Variants in RIMBP2 observed in about 807,000 individuals in gnomAD.
RIMBP2 encodes RIMS binding protein 2, also known as RIMS-binding protein 2.
A neutral mutation model predicts 118.6 loss-of-function variants in RIMBP2; 48 were observed. That is an observed-to-expected ratio of 0.40 (90% CI 0.32 to 0.51). The LOEUF (loss-of-function observed/expected upper bound fraction) is 0.51, where lower values mean the gene tolerates loss of function less well. Ranked by LOEUF, RIMBP2 falls within the 20% of genes least tolerant of loss-of-function variation. RIMBP2 has a pLI of 0.41. For missense variants in RIMBP2, 1,551 were observed against 1,768.3 expected (o/e 0.88, Z 2.20); for synonymous variants, 762 against 742.9 (o/e 1.03, Z -0.42).
At chr12:130,552,055 G>T (rs2139735609) in intron 2 of RIMBP2, among the ~76,000 whole-genome samples, 1 of 152,332 alleles carries the variant, frequency 6.6e-6, no homozygotes, top group South Asian at 2.1e-4. Context: ...TAGATAATGG[G>T]TTGCTTGGGC....
chr12:130,694,583 C>T (rs2065483507), intron 1 of RIMBP2, among the ~76,000 whole-genome samples: 1 of 152,220 alleles, frequency 6.6e-6, no homozygotes, highest in Admixed American at 6.5e-5. Flanking sequence ...GACTGCTCCC[C>T]TTCCTGGAAA....
At chr12:130,661,194 T>TG (rs1444779419) in intron 1 of RIMBP2, among the ~76,000 whole-genome samples, 1 of 152,240 alleles carries the variant, frequency 6.6e-6, no homozygotes, top group Admixed American at 6.5e-5. Context: ...GCTTTCCTTG[T>TG]GGACTAATCT....
rs146279131 is a variant in RIMBP2 at position 130,710,439 on chromosome 12, C to T, written c.-352+5783G>A. 3.2e-4 allele frequency among the ~76,000 whole-genome samples: 48 copies of T among 152,184 alleles called. No homozygotes were observed. The highest frequency in any genetic ancestry group is 1.4e-3 in the East Asian group (7 of 5,166). On this transcript the variant is annotated intron_variant, in intron 1 of 22. Transcript: ENST00000690449. The surrounding 1 kb of genome is among the most constrained non-coding windows in gnomAD (Gnocchi z 4.3). ...TTACACATGCACACACACACATACA[C>T]GCAGGCGCACACACACACATACACA...
At position 130,601,335 on chromosome 12, in the gene RIMBP2, C is replaced by CAAAAAAAAAAAAAAAA. The variant is rs35127958; in HGVS notation, c.-217+26971_-217+26986dup. ...TGGGGATGGGGTCAAAGAGGGCAGG[C>CAAAAAAAAAAAAAAAA]AAAAAAAAAAAAAAAAAAAAAAAAA... On this transcript the variant is annotated intron_variant, in intron 2 of 22. Transcript: ENST00000690449. Among the ~76,000 whole-genome samples the CAAAAAAAAAAAAAAAA allele has an allele frequency of 3.2e-5, 2 of 63,064 alleles. 1 individual carries two copies. The allele number at this position is 63,064 out of a possible 152,430, so 41.4% of individuals were successfully genotyped here.
intron 1 of RIMBP2, among the ~76,000 whole-genome samples, chr12:130,649,559 G>A (rs2063138716): frequency 6.6e-6 from 1 of 152,210 alleles, no homozygotes; most frequent in Non-Finnish European, 1.5e-5. Flanking sequence ...CTGTGCAATG[G>A]GGAAAAATCC....
chr12:130,523,836 G>T lies in RIMBP2; in HGVS notation c.-216-5919C>A, dbSNP rs576628791. On this transcript the variant is annotated intron_variant, in intron 2 of 22. Transcript: ENST00000690449. This position sits in a 1 kb window ranked among gnomAD's most constrained non-coding sequence, Gnocchi z 4.4. ...TGTCAGGAACGCCAGTTGCTATGGG[G>T]AGAGGTGAGAGGAATTCTCGGTATC... Among the ~76,000 whole-genome samples the T allele has an allele frequency of 6.6e-6, 1 of 152,322 alleles. No homozygotes were observed. The highest frequency in any genetic ancestry group is 2.1e-4 in the South Asian group (1 of 4,820).
chr12:130,409,594 C>T (rs1255772206), intron 19 of RIMBP2, among the ~76,000 whole-genome samples: 2 of 152,120 alleles, frequency 1.3e-5, no homozygotes, highest in Non-Finnish European at 2.9e-5. Flanking sequence ...CCGCCCACCT[C>T]GGCCTCCCAA....
chr12:130,439,019 C>A (rs557542602), intron 11 of RIMBP2, among the ~76,000 whole-genome samples: 1 of 151,936 alleles, frequency 6.6e-6, no homozygotes, highest in East Asian at 1.9e-4. Context: ...CTCCCTCTAC[C>A]CTCTGCCCGG....
chr12:130,675,325 C>T (rs556499460), intron 1 of RIMBP2, among the ~76,000 whole-genome samples: 12 of 152,340 alleles, frequency 7.9e-5, no homozygotes, highest in African/African-American at 2.9e-4. Flanking sequence ...CCACACAGCG[C>T]CCCGTGGAGC....
chr12:130,399,915 G>C, intron 21 of RIMBP2, 102 bp from the exon 22 acceptor site: 1 of 1,294,570 alleles, frequency 7.7e-7, no homozygotes, highest in Non-Finnish European at 1.1e-6. Context: ...TACATGGTGA[G>C]TTTATTCTGG....
At chr12:130,449,143 C>T (rs764985081) in intron 9 of RIMBP2, among the ~76,000 whole-genome samples, 35 of 152,228 alleles carry the variant, frequency 2.3e-4, no homozygotes, top group African/African-American at 8.2e-4. Flanking sequence ...GCCAAGCCCA[C>T]GCTCAGAGCT....
chr12:130,708,209 G>A (rs1037443122), intron 1 of RIMBP2, among the ~76,000 whole-genome samples: 7 of 152,164 alleles, frequency 4.6e-5, no homozygotes, highest in African/African-American at 1.4e-4. Context: ...CAGCAGATTC[G>A]CAGTTGCCAG....
At chr12:130,506,099 T>C (rs1448497006) in intron 4 of RIMBP2, among the ~76,000 whole-genome samples, 2 of 151,890 alleles carry the variant, frequency 1.3e-5, no homozygotes, top group Non-Finnish European at 2.9e-5. Context: ...TTTTAACACT[T>C]GGTGAAAAAA....
chr12:130,566,869 T>A (rs1353989428), intron 2 of RIMBP2, among the ~76,000 whole-genome samples: 2 of 152,234 alleles, frequency 1.3e-5, no homozygotes, highest in Admixed American at 1.3e-4. Flanking sequence ...TGCTGCTCAA[T>A]GTCTCCTAGG....
intron 1 of RIMBP2, among the ~76,000 whole-genome samples, chr12:130,704,612 C>A (rs2066008978): frequency 3.3e-5 from 5 of 152,128 alleles, no homozygotes; most frequent in Admixed American, 3.3e-4. Flanking sequence ...TAAATGGCTT[C>A]TAAAGGGAAG....
intron 2 of RIMBP2, among the ~76,000 whole-genome samples, chr12:130,544,491 A>G (rs1213284954): frequency 6.7e-6 from 1 of 148,994 alleles, no homozygotes. Context: ...CCTGCTTCTC[A>G]CTCCTTTTAG....
chr12:130,452,392 G>A (rs533369651), intron 7 of RIMBP2, among the ~76,000 whole-genome samples: 3 of 152,196 alleles, frequency 2.0e-5, no homozygotes, highest in African/African-American at 4.8e-5. Context: ...GGGAATTGGA[G>A]CTGGGGCAGC....
At chr12:130,689,177 A>G (rs1432778457) in intron 1 of RIMBP2, among the ~76,000 whole-genome samples, 1 of 152,190 alleles carries the variant, frequency 6.6e-6, no homozygotes, top group East Asian at 1.9e-4. Context: ...GGCCGGGCAC[A>G]GTGGCTCACG....
At chr12:130,649,598 G>A (rs2063140287) in intron 1 of RIMBP2, among the ~76,000 whole-genome samples, 1 of 152,156 alleles carries the variant, frequency 6.6e-6, no homozygotes, top group Non-Finnish European at 1.5e-5. Flanking sequence ...ACTCTTCCTT[G>A]GAGAGACAGC....
Sources: gnomAD v4.1 joint callset for allele counts (sites outside exome capture counted in the v4.1 genomes callset) on GRCh38, gnomAD v4.1.1 for gene constraint, Gnocchi (gnomAD v3.1) non-coding constraint, MANE v1.5 for transcripts, NCBI Gene and HGNC (gene_info 2026-07-23, HGNC 2026-07-21) for gene names.